Variants in ASAP3 observed in about 807,000 individuals in gnomAD.
ASAP3 encodes the protein ArfGAP with SH3 domain, ankyrin repeat and PH domain 3, also known as arf-GAP with SH3 domain, ANK repeat and PH domain-containing protein 3.
A neutral mutation model predicts 118.2 loss-of-function variants in ASAP3; 85 were observed. The ratio of observed to expected loss-of-function variants is 0.72; its 90% CI spans 0.60 to 0.86. The LOEUF is 0.86. Ranked by LOEUF, ASAP3 falls within the 40% of genes least tolerant of loss-of-function variation. The pLI is 0.00. For synonymous variants in ASAP3, 432 were observed against 477.4 expected (o/e 0.90, Z 1.24); for missense variants, 1,026 against 1,175.0 (o/e 0.87, Z 1.85).
At position 23,441,738 on chromosome 1, in the gene ASAP3, G is replaced by A. The variant is rs1162758370; in HGVS notation, c.672-8C>T. On this transcript the variant is annotated splice_region_variant and splice_polypyrimidine_tract_variant and intron_variant, in intron 7 of 24. Transcript: ENST00000336689. Reference sequence around the variant, plus strand: ...CAGCCATCTTGGAAAAAGCTAAGAGGTGTCAGAGGCCAAACAAGGGTCCAG... The same window carrying A: ...CAGCCATCTTGGAAAAAGCTAAGAGATGTCAGAGGCCAAACAAGGGTCCAG... 6.2e-7 allele frequency: 1 copy of A among 1,614,104 alleles called. No homozygotes were observed. Among genetic ancestry groups the A allele is most frequent in the Non-Finnish European group, 8.5e-7 (1 of 1,180,004 alleles).
chr1:23,430,977 ACT>A lies in ASAP3; in HGVS notation c.2637+56_2637+57del, dbSNP rs1457448314. The A allele has an allele frequency of 4.1e-6, 6 of 1,458,292 alleles. No homozygotes were observed. In the African/African-American group the frequency reaches 7.1e-5, roughly 17 times the overall value. The allele number at this position is 1,458,292 out of a possible 1,614,324, so 90.3% of individuals were successfully genotyped here. ...ACCCCAATACGCCTACTCTTGACTA[ACT>A]CTGCCTCCCAGGCACCCTGCCACCG... On this transcript the variant is annotated intron_variant, in intron 24 of 24. Coordinates refer to ENST00000336689, the MANE Select transcript of ASAP3 (RefSeq NM_017707.4).
chr1:23,430,764 G>C (rs1441208615), intron 24 of ASAP3, among the ~76,000 whole-genome samples: 10 of 152,166 alleles, frequency 6.6e-5, no homozygotes, highest in Non-Finnish European at 1.5e-4. Context: ...ATGGAAAGAG[G>C]AGCACCAGGA....
chr1:23,456,407 AG>A lies in ASAP3; in HGVS notation c.130-214del, dbSNP rs562128473. On this transcript the variant is annotated intron_variant, in intron 1 of 24. Transcript: ENST00000336689. ...ACCACAGACCAGTCACACCACTCCA[AG>A]AAGACCACAGACTTTTCTCCCTGAA... Among the ~76,000 whole-genome samples the A allele has an allele frequency of 1.7e-3, 258 of 152,290 alleles. 3 individuals are homozygous for A. The highest frequency in any genetic ancestry group is 6.0e-3 in the African/African-American group (250 of 41,558).
chr1:23,479,307 G>C (rs151248404), intron 1 of ASAP3, among the ~76,000 whole-genome samples: 1 of 152,144 alleles, frequency 6.6e-6, no homozygotes, highest in African/African-American at 2.4e-5. Context: ...CAAGAATGAC[G>C]AAGCAGCTGC....
chr1:23,435,031 G>A (rs750289396), intron 17 of ASAP3, among the ~76,000 whole-genome samples: 16 of 152,166 alleles, frequency 1.1e-4, no homozygotes, highest in Middle Eastern at 3.4e-3. Flanking sequence ...AAAGATACCC[G>A]TTTTTAGTTT....
chr1:23,479,546 C>T (rs972115065), intron 1 of ASAP3, among the ~76,000 whole-genome samples: 1 of 152,100 alleles, frequency 6.6e-6, no homozygotes, highest in Non-Finnish European at 1.5e-5. Flanking sequence ...AATTTTTACA[C>T]TAAAATACAT....
intron 17 of ASAP3, among the ~76,000 whole-genome samples, chr1:23,434,879 C>G (rs1054024897): frequency 7.9e-5 from 12 of 152,168 alleles, no homozygotes; most frequent in African/African-American, 2.9e-4. Flanking sequence ...CGGCTCCTCT[C>G]CCTGATCGCA....
chr1:23,463,366 T>G (rs886644748), intron 1 of ASAP3, among the ~76,000 whole-genome samples: 50 of 22,296 alleles, frequency 2.2e-3, no homozygotes, highest in Admixed American at 0.018. Context: ...GAAATGCAGG[T>G]TTTTTTTTTT....
At chr1:23,455,848 T>G in intron 3 of ASAP3, 33 bp downstream of exon 3, 1 of 1,612,388 alleles carries the variant, frequency 6.2e-7, no homozygotes, top group Non-Finnish European at 8.5e-7. Flanking sequence ...AGATTTACCC[T>G]GAGTCTGGGC....
Position 23,442,497 on chromosome 1 carries a change from T to C in ASAP3, c.585+4A>G, listed in dbSNP as rs2148618826. 1 of 1,594,854 alleles carries C rather than the reference T, an allele frequency of 6.3e-7. No homozygotes were observed. Among genetic ancestry groups the C allele is most frequent in the African/African-American group, 1.3e-5 (1 of 74,556 alleles). On this transcript the variant is annotated splice_donor_region_variant and intron_variant, in intron 6 of 24. Coordinates refer to ENST00000336689, the MANE Select transcript of ASAP3 (RefSeq NM_017707.4). The stretch of plus-strand genomic sequence containing the variant: ...CCCCCTCCCTCATCCAGAGCACCCC[T>C]TACCTCACACATGTGCAGCTGGAAG...
At chr1:23,450,444 A>G (rs1641177296) in intron 5 of ASAP3, among the ~76,000 whole-genome samples, 1 of 152,188 alleles carries the variant, frequency 6.6e-6, no homozygotes, top group Non-Finnish European at 1.5e-5. Context: ...TGTTGTTATG[A>G]TCTCATTTTT....
intron 17 of ASAP3, 196 bp downstream of exon 17, chr1:23,435,655 T>G (rs1640610269): frequency 1.5e-6 from 1 of 663,426 alleles, no homozygotes. Flanking sequence ...ATCACACAGC[T>G]AGGAAAAAAC....
chr1:23,465,969 T>A (rs1205130392), intron 1 of ASAP3, among the ~76,000 whole-genome samples: 1 of 151,892 alleles, frequency 6.6e-6, no homozygotes, highest in Non-Finnish European at 1.5e-5. Context: ...TCCCTCACCA[T>A]CCCCTCAGGC....
At chr1:23,440,983 A>G (rs1640851138) in intron 10 of ASAP3, 119 bp downstream of exon 10, 3 of 914,040 alleles carry the variant, frequency 3.3e-6, no homozygotes, top group African/African-American at 1.6e-5. Context: ...AGGATTTTAC[A>G]TTGCAACCCT....
intron 1 of ASAP3, among the ~76,000 whole-genome samples, chr1:23,469,746 G>A (rs1043947980): frequency 6.6e-6 from 1 of 152,194 alleles, no homozygotes; most frequent in Admixed American, 6.5e-5. Flanking sequence ...CTGTGAGGTA[G>A]TTATTATCCT....
At chr1:23,453,427 A>C (rs1641287663) in intron 3 of ASAP3, among the ~76,000 whole-genome samples, 1 of 152,054 alleles carries the variant, frequency 6.6e-6, no homozygotes, top group Non-Finnish European at 1.5e-5. Flanking sequence ...TTTCTGCCTA[A>C]GTTGTGGGAG....
At chr1:23,448,346 T>C (rs1209138788) in intron 5 of ASAP3, among the ~76,000 whole-genome samples, 3 of 152,206 alleles carry the variant, frequency 2.0e-5, no homozygotes, top group East Asian at 1.9e-4. Context: ...GGAATAACAA[T>C]AGCAGCTTTC....
intron 5 of ASAP3, among the ~76,000 whole-genome samples, chr1:23,450,327 T>C (rs891540759): frequency 2.6e-5 from 4 of 152,202 alleles, no homozygotes; most frequent in African/African-American, 7.2e-5. Flanking sequence ...TAATGGCTTA[T>C]GCAGGTTTTG....
chr1:23,476,324 C>T (rs531564894), intron 1 of ASAP3, among the ~76,000 whole-genome samples: 1 of 146,948 alleles, frequency 6.8e-6, no homozygotes, highest in Admixed American at 6.8e-5. Context: ...CCAGCCTGGG[C>T]AATACAGTGA....
Sources: gnomAD v4.1 joint callset for allele counts (sites outside exome capture counted in the v4.1 genomes callset) on GRCh38, gnomAD v4.1.1 for gene constraint, MANE v1.5 for transcripts, NCBI Gene and HGNC (gene_info 2026-07-23, HGNC 2026-07-21) for gene names.